Variants in ZFHX4 observed in about 807,000 individuals in gnomAD.
The protein encoded by ZFHX4 is zinc finger homeobox protein 4.
ZFHX4 carries 56 observed loss-of-function variants against 267.6 expected under a neutral mutation model. That is an observed-to-expected ratio of 0.21 (90% CI 0.17 to 0.26). ZFHX4 has a LOEUF of 0.26. ZFHX4 is among the 10% of genes least tolerant of loss of function. The pLI is 1.00. For synonymous variants in ZFHX4, 1,778 were observed against 1,665.6 expected (o/e 1.07, Z -1.64); for missense variants, 4,332 against 4,420.0 (o/e 0.98, Z 0.56).
Position 76,706,366 on chromosome 8 carries a change from A to G in ZFHX4, c.2278A>G (p.Lys760Glu). 2 of 1,614,048 alleles carry G rather than the reference A, an allele frequency of 1.2e-6. No homozygotes were observed. Among genetic ancestry groups the G allele is most frequent in the Middle Eastern group, 1.6e-4 (1 of 6,062 alleles). Reference protein sequence around the residue: ...LSGCGTPSPSKPKQKPTWRCE... With the variant: ...LSGCGTPSPSEPKQKPTWRCE... The stretch of plus-strand genomic sequence containing the variant: ...TGGCTGCGGAACACCCTCTCCGTCC[A>G]AACCCAAACAGAAACCCACCTGGCG... Residue 760 changes from lysine (K) to glutamate (E), a missense_variant, in exon 2 of 11, where the codon AAA becomes GAA. Physicochemically the swap from Lys to Glu is moderately conservative, Grantham distance 56. Transcript: ENST00000651372.
chr8:76,697,029 TA>T, intron 1 of ZFHX4, among the ~76,000 whole-genome samples: 1 of 152,152 alleles, frequency 6.6e-6, no homozygotes, highest in South Asian at 2.1e-4. Context: ...TGATTTTATG[TA>T]GATAATTATG....
chr8:76,855,561 C>T lies in ZFHX4; in HGVS notation c.8640C>T (p.Gly2880=), dbSNP rs16939379. The change falls in exon 10 of 11, where the codon GGC becomes GGT. Residue 2880 remains glycine (G), a synonymous_variant. Coordinates refer to ENST00000651372, the MANE Select transcript of ZFHX4 (RefSeq NM_024721.5). ...CCATCCATTTCAATGACAAAGATGG[C>T]GACCACGACCAAAGCTTTTACATCA... ...SPSIHFNDKD[G]DHDQSFYITD... 0.1 allele frequency: 163,178 copies of T among 1,613,614 alleles called. 16,797 individuals carry two copies. The highest frequency in any genetic ancestry group is 0.55 in the African/African-American group (41,169 of 74,862).
intron 5 of ZFHX4, among the ~76,000 whole-genome samples, chr8:76,836,928 G>A (rs553643087): frequency 1.3e-5 from 2 of 152,082 alleles, no homozygotes; most frequent in Non-Finnish European, 2.9e-5. Flanking sequence ...TGGATAGGAT[G>A]CATATGAATG....
In ZFHX4 at chr8:76,688,249, G is replaced by A. The variant is rs143146986; in HGVS notation, c.-47+6629G>A. 4.4e-3 allele frequency among the ~76,000 whole-genome samples: 667 copies of A among 152,190 alleles called. 3 individuals carry two copies. The highest frequency in any genetic ancestry group is 6.7e-3 in the Non-Finnish European group (457 of 67,970). On this transcript the variant is annotated intron_variant, in intron 1 of 10. Transcript: ENST00000651372. ...GTGGATATTTAATTCAGTTAATGATGGAATATAAGGTGCCTGTTTTTTTCC... is the reference window on the plus strand; with the variant it reads ...GTGGATATTTAATTCAGTTAATGATAGAATATAAGGTGCCTGTTTTTTTCC...
intron 5 of ZFHX4, among the ~76,000 whole-genome samples, chr8:76,840,182 G>T: frequency 6.6e-6 from 1 of 152,170 alleles, no homozygotes; most frequent in East Asian, 1.9e-4. Context: ...TTCAAAGGAA[G>T]AACCTGAAAA....
intron 3 of ZFHX4, among the ~76,000 whole-genome samples, chr8:76,733,930 T>C (rs1809089629): frequency 1.3e-5 from 2 of 152,174 alleles, no homozygotes; most frequent in Admixed American, 1.3e-4. Flanking sequence ...AATGTCCTCA[T>C]GCATGCCCCT....
chr8:76,690,427 G>A (rs1171242160), intron 1 of ZFHX4, among the ~76,000 whole-genome samples: 1 of 151,976 alleles, frequency 6.6e-6, no homozygotes, highest in East Asian at 1.9e-4. Flanking sequence ...GGAAGTTTTT[G>A]AGGAATCTTA....
chr8:76,774,196 G>C (rs960670579), intron 3 of ZFHX4, among the ~76,000 whole-genome samples: 1 of 152,088 alleles, frequency 6.6e-6, no homozygotes, highest in Non-Finnish European at 1.5e-5. Flanking sequence ...TGTCTGAAGT[G>C]GCATTTATTT....
chr8:76,744,117 G>A (rs561705364), intron 3 of ZFHX4, among the ~76,000 whole-genome samples: 1 of 152,058 alleles, frequency 6.6e-6, no homozygotes, highest in Non-Finnish European at 1.5e-5. Context: ...AGGCTGAGGT[G>A]GGTGGATCAC....
chr8:76,788,629 G>A (rs886709544), intron 4 of ZFHX4, among the ~76,000 whole-genome samples: 6 of 152,078 alleles, frequency 3.9e-5, no homozygotes, highest in African/African-American at 1.4e-4. Context: ...ATGCCATTTT[G>A]GGGTGTTTGA....
chr8:76,735,648 G>GA (rs1417177323), intron 3 of ZFHX4, among the ~76,000 whole-genome samples: 1 of 152,058 alleles, frequency 6.6e-6, no homozygotes, highest in East Asian at 1.9e-4. Context: ...ATTGTAGTCA[G>GA]AAAAATTGTT....
chr8:76,796,190 AT>A (rs1810975424), intron 4 of ZFHX4, among the ~76,000 whole-genome samples: 1 of 150,692 alleles, frequency 6.6e-6, no homozygotes, highest in Admixed American at 6.6e-5. Context: ...AATAATGAAA[AT>A]GATTTTGAAA....
At chr8:76,769,878 A>G (rs1222178082) in intron 3 of ZFHX4, among the ~76,000 whole-genome samples, 1 of 152,178 alleles carries the variant, frequency 6.6e-6, no homozygotes, top group Non-Finnish European at 1.5e-5. Context: ...TATGACTACT[A>G]CTGTTTGTTC....
intron 4 of ZFHX4, among the ~76,000 whole-genome samples, chr8:76,820,574 C>A (rs950979679): frequency 2.0e-5 from 3 of 152,068 alleles, no homozygotes; most frequent in East Asian, 1.9e-4. Flanking sequence ...ACTTTTGAGG[C>A]CTTTTAATGA....
intron 3 of ZFHX4, among the ~76,000 whole-genome samples, chr8:76,758,376 A>G (rs939242496): frequency 6.6e-6 from 1 of 152,182 alleles, no homozygotes; most frequent in Non-Finnish European, 1.5e-5. Flanking sequence ...ATAAACAATA[A>G]AAAAAGACAA....
At chr8:76,838,035 T>A (rs1311744675) in intron 5 of ZFHX4, among the ~76,000 whole-genome samples, 1 of 152,218 alleles carries the variant, frequency 6.6e-6, no homozygotes, top group Non-Finnish European at 1.5e-5. Context: ...TTCATAGATG[T>A]TGAAACTGAT....
At chr8:76,692,271 T>C (rs1807845053) in intron 1 of ZFHX4, among the ~76,000 whole-genome samples, 1 of 152,164 alleles carries the variant, frequency 6.6e-6, no homozygotes, top group South Asian at 2.1e-4. Flanking sequence ...ATAATGCTTA[T>C]TTCAGTCTTG....
Position 76,708,099 on chromosome 8 carries a change from C to T in ZFHX4, c.3093+51C>T, listed in dbSNP as rs775591598. On this transcript the variant is annotated intron_variant, in intron 3 of 10. Coordinates refer to ENST00000651372, the MANE Select transcript of ZFHX4 (RefSeq NM_024721.5). ...GGCACAGAGTAGAAAAGGGAATTAA[C>T]TCTTTCAGAGCTTGGAGCACAAGTC... 4.4e-6 allele frequency: 7 copies of T among 1,603,926 alleles called. No individual in the cohort carries two copies. In the South Asian group the frequency reaches 4.4e-5, roughly 10 times the overall value.
chr8:76,832,916 T>A (rs561027077), intron 4 of ZFHX4, among the ~76,000 whole-genome samples: 1 of 152,310 alleles, frequency 6.6e-6, no homozygotes, highest in African/African-American at 2.4e-5. Context: ...GCACATCAGC[T>A]ATCATATACA....
Sources: allele counts gnomAD v4.1 joint callset (sites outside exome capture counted in the v4.1 genomes callset), GRCh38; gene constraint gnomAD v4.1.1; transcripts MANE v1.5; gene names NCBI Gene and HGNC (gene_info 2026-07-23, HGNC 2026-07-21).